The following U2SURP variants were observed in gnomAD, a reference collection of about 807,000 sequenced individuals.
The protein encoded by U2SURP is U2 snRNP associated SURP domain containing.
Under a neutral mutation model 144.9 loss-of-function variants are expected in U2SURP, and 9 were observed. The ratio of observed to expected loss-of-function variants is 0.06; its 90% confidence interval spans 0.04 to 0.11. The LOEUF is 0.11. Ranked by LOEUF, U2SURP falls within the 10% of genes least tolerant of loss-of-function variation. The pLI is 1.00. For synonymous variants in U2SURP, 408 were observed against 396.8 expected, an observed-to-expected ratio of 1.03 and a Z score of -0.33; for missense variants, 724 against 1,226.7, an observed-to-expected ratio of 0.59 and a Z score of 6.12.
rs781759769 is a variant in U2SURP at position 143,054,952 on chromosome 3, A to G, written c.2784A>G (p.Arg928=). The part of the protein sequence containing the change: ...CTPTRKERKR[R]HSTSPSPSRS... ...GGGCTTTGTTCCATAGGAAGAGGCG[A>G]CACAGTACATCCCCCAGCCCATCTC... The change falls in exon 27 of 28, where the codon CGA becomes CGG. Residue 928 remains arginine (R), a synonymous_variant. Coordinates refer to ENST00000473835, the MANE Select transcript of U2SURP (RefSeq NM_001080415.2). 2 of 1,601,722 alleles carry G rather than the reference A, an allele frequency of 1.2e-6. No individual in the cohort carries two copies. Among genetic ancestry groups the G allele is most frequent in the Non-Finnish European group, 1.7e-6 (2 of 1,176,034 alleles).
At chr3:143,003,937 G>C (rs1054500294) in intron 1 of U2SURP, among the ~76,000 whole-genome samples, 75 of 152,150 alleles carry the variant, frequency 4.9e-4, no homozygotes, top group African/African-American at 1.8e-3. Context: ...TGATCCACCC[G>C]CCTCAGCCTC....
chr3:143,028,752 T>A (rs937651745), intron 16 of U2SURP, 106 bp downstream of exon 16: 1 of 908,650 alleles, frequency 1.1e-6, no homozygotes, highest in East Asian at 2.8e-5. Flanking sequence ...TTTTTTTCAC[T>A]TGTGAATGTT....
At chr3:143,043,758 A>T (rs1051596760) in intron 24 of U2SURP, among the ~76,000 whole-genome samples, 3 of 150,784 alleles carry the variant, frequency 2.0e-5, no homozygotes, top group Non-Finnish European at 2.9e-5. Context: ...TGTGTTATGT[A>T]CTGTGAGAAA....
At chr3:143,050,863 A>G (rs1186048578) in intron 24 of U2SURP, 76 bp from the exon 25 acceptor site, 6 of 984,146 alleles carry the variant, frequency 6.1e-6, no homozygotes, top group South Asian at 3.1e-5. Flanking sequence ...CTACTTTGCT[A>G]TAGAAAAGAA....
chr3:143,016,632 C>T (rs751422411), intron 5 of U2SURP, among the ~76,000 whole-genome samples: 5 of 152,084 alleles, frequency 3.3e-5, no homozygotes, highest in Non-Finnish European at 7.4e-5. Flanking sequence ...CAGCAGAGCA[C>T]TTGTCACAAA....
At chr3:143,018,237 A>G (rs933686073) in intron 6 of U2SURP, among the ~76,000 whole-genome samples, 15 of 151,950 alleles carry the variant, frequency 9.9e-5, no homozygotes, top group African/African-American at 3.4e-4. Context: ...ACAGCCTACT[A>G]ATCTACTTTC....
At chr3:143,029,741 C>T (rs1933369124) in intron 16 of U2SURP, among the ~76,000 whole-genome samples, 1 of 152,218 alleles carries the variant, frequency 6.6e-6, no homozygotes, top group Admixed American at 6.5e-5. Flanking sequence ...TGGCTGAAAG[C>T]TAGGCCTCTT....
intron 12 of U2SURP, among the ~76,000 whole-genome samples, chr3:143,023,728 G>T (rs1176940266): frequency 6.6e-6 from 1 of 151,188 alleles, no homozygotes; most frequent in African/African-American, 2.4e-5. Context: ...CTATTTCAGT[G>T]CATTGATGTG....
At chr3:143,037,448 A>C in intron 21 of U2SURP, 113 bp downstream of exon 21, 3 of 984,946 alleles carry the variant, frequency 3.0e-6, no homozygotes, top group East Asian at 5.3e-5. Flanking sequence ...GAACGTATCA[A>C]GTTATTAACT....
intron 23 of U2SURP, among the ~76,000 whole-genome samples, chr3:143,042,805 G>A (rs187029948): frequency 2.6e-5 from 4 of 152,190 alleles, no homozygotes; most frequent in Non-Finnish European, 5.9e-5. Flanking sequence ...TTGATTATTC[G>A]TTTCATTTAA....
rs563698331 is a variant in U2SURP, at chr3:143,011,183, A to G, written c.90+324A>G. Among the ~76,000 whole-genome samples the G allele has an allele frequency of 7.9e-5, 12 of 152,222 alleles. No individual in the cohort carries two copies. The East Asian group carries it at 1.7e-3, about 22-fold the overall frequency. Reference sequence around the variant, plus strand: ...ATATGCCTTTCTCACCGCACAAAACATATGTTGGAAATCCCTGCAGGTAAA... The same window carrying G: ...ATATGCCTTTCTCACCGCACAAAACGTATGTTGGAAATCCCTGCAGGTAAA... On this transcript the variant is annotated intron_variant, in intron 2 of 27. Coordinates refer to ENST00000473835, the MANE Select transcript of U2SURP (RefSeq NM_001080415.2).
chr3:143,004,908 G>C (rs1438084217), intron 1 of U2SURP, among the ~76,000 whole-genome samples: 5 of 152,164 alleles, frequency 3.3e-5, no homozygotes, highest in Admixed American at 3.3e-4. Flanking sequence ...CTTTCATTTT[G>C]AGAGGAGAGA....
At chr3:143,006,369 G>C (rs1935832989) in intron 1 of U2SURP, among the ~76,000 whole-genome samples, 1 of 152,116 alleles carries the variant, frequency 6.6e-6, no homozygotes, top group Non-Finnish European at 1.5e-5. Context: ...TTGGTGGTAG[G>C]CACTTGTTCT....
intron 25 of U2SURP, 84 bp downstream of exon 25, chr3:143,051,133 T>C: frequency 1.3e-6 from 1 of 751,742 alleles, no homozygotes; most frequent in East Asian, 2.9e-5. Context: ...CTAAAGATGA[T>C]TTCAAATTAT....
chr3:143,031,734 T>C (rs1933509550), intron 16 of U2SURP, among the ~76,000 whole-genome samples: 1 of 152,250 alleles, frequency 6.6e-6, no homozygotes, highest in Non-Finnish European at 1.5e-5. Context: ...AGTCTGTAAC[T>C]GAATCCGTCT....
At chr3:143,012,170 A>C in intron 2 of U2SURP, 52 bp from the exon 3 acceptor site, 3 of 1,584,636 alleles carry the variant, frequency 1.9e-6, no homozygotes, top group Non-Finnish European at 2.6e-6. Flanking sequence ...TCAGTGCTAT[A>C]TATGTATATA....
At chr3:143,043,908 C>G (rs1378459119) in intron 24 of U2SURP, among the ~76,000 whole-genome samples, 1 of 151,530 alleles carries the variant, frequency 6.6e-6, no homozygotes, top group Non-Finnish European at 1.5e-5. Flanking sequence ...AGCCACCATG[C>G]CCGGCTCATT....
chr3:143,013,894 G>A (rs892686838), intron 3 of U2SURP, among the ~76,000 whole-genome samples: 5 of 151,998 alleles, frequency 3.3e-5, no homozygotes, highest in African/African-American at 1.2e-4. Flanking sequence ...AGTGTTGTAG[G>A]TGGTAAATTC....
rs1933455473 is a variant in U2SURP, at chr3:143,031,085, T to A, written c.1611-1699T>A. 2.0e-5 allele frequency among the ~76,000 whole-genome samples: 3 copies of A among 152,242 alleles called. No individual in the cohort carries two copies. In the South Asian group the frequency reaches 6.2e-4, roughly 32 times the overall value. ...AGTAGAGCTCAAAGATGGGACTGAA[T>A]TGCTGTGATCTCATGATAAAACTTT... is the stretch of plus-strand genomic sequence containing the variant. On this transcript the variant is annotated intron_variant, in intron 16 of 27. Transcript: ENST00000473835.
Sources: allele counts gnomAD v4.1 joint callset (sites outside exome capture counted in the v4.1 genomes callset), GRCh38; gene constraint gnomAD v4.1.1; transcripts MANE v1.5; gene names NCBI Gene and HGNC (gene_info 2026-07-23, HGNC 2026-07-21).